The following ANK3 variants were observed in gnomAD, a reference collection of about 807,000 sequenced individuals.
The protein encoded by ANK3 is ankyrin 3.
Under a neutral mutation model 370.9 loss-of-function variants are expected in ANK3, and 57 were observed. The ratio of observed to expected loss-of-function variants is 0.15; its 90% confidence interval spans 0.12 to 0.19. The LOEUF is 0.19. Ranked by LOEUF, ANK3 falls within the 10% of genes least tolerant of loss-of-function variation. The pLI is 1.00. For synonymous variants in ANK3, 1,929 were observed against 1,946.3 expected (o/e 0.99, Z 0.23); for missense variants, 4,439 against 5,302.1 (o/e 0.84, Z 5.06).
At chr10:60,321,356 CA>C (rs200588753) in intron 1 of ANK3, among the ~76,000 whole-genome samples, 2 of 132,938 alleles carry the variant, frequency 1.5e-5, no homozygotes, top group South Asian at 2.5e-4. Flanking sequence ...GACCCTATCT[CA>C]AAAAAAACAA....
intron 42 of ANK3, among the ~76,000 whole-genome samples, chr10:60,055,248 CA>C (rs1381369827): frequency 3.0e-4 from 46 of 152,108 alleles, no homozygotes; most frequent in Admixed American, 1.9e-3. Flanking sequence ...CTGTTTATGC[CA>C]AGGAGCCAGA....
chr10:60,564,029 AT>A (rs2077401373), intron 2 of ANK3, among the ~76,000 whole-genome samples: 1 of 152,214 alleles, frequency 6.6e-6, no homozygotes, highest in South Asian at 2.1e-4. Flanking sequence ...TTGTACTAAA[AT>A]AAGCAAATTC....
At chr10:60,593,100 T>C (rs1354222019) in intron 2 of ANK3, among the ~76,000 whole-genome samples, 1 of 152,210 alleles carries the variant, frequency 6.6e-6, no homozygotes, top group Non-Finnish European at 1.5e-5. Context: ...CAATATCACA[T>C]AGAAGTTTTT....
Position 60,700,954 on chromosome 10 carries a change from G to A in ANK3, c.57+32309C>T, listed in dbSNP as rs758081039. On this transcript the variant is annotated intron_variant, in intron 1 of 43. Transcript: ENST00000373827. ...AAATTTTAATAGTAAAAATAAAAAT[G>A]TATATGGCAAGCAGAATAATAAGCA... Among the ~76,000 whole-genome samples the A allele has an allele frequency of 5.3e-5, 8 of 152,020 alleles. No individual in the cohort carries two copies. The East Asian group carries it at 1.5e-3, about 29-fold the overall frequency.
intron 1 of ANK3, among the ~76,000 whole-genome samples, chr10:60,634,488 C>A (rs1487423252): frequency 2.0e-5 from 3 of 151,988 alleles, no homozygotes; most frequent in African/African-American, 7.3e-5. Context: ...GTAAAACAGA[C>A]CAATCAGCAC....
At chr10:60,409,918 G>A (rs541646634) in intron 2 of ANK3, among the ~76,000 whole-genome samples, 2 of 152,068 alleles carry the variant, frequency 1.3e-5, no homozygotes, top group South Asian at 2.1e-4. Context: ...CACGGATCAC[G>A]TGCTCTGAGC....
At chr10:60,079,573 C>T (rs2084690285) in intron 36 of ANK3, among the ~76,000 whole-genome samples, 2 of 152,106 alleles carry the variant, frequency 1.3e-5, no homozygotes, top group Admixed American at 1.3e-4. Context: ...TTCCAGACCT[C>T]CTTGAACTTA....
intron 2 of ANK3, among the ~76,000 whole-genome samples, chr10:60,614,176 TAATA>T (rs1304329279): frequency 1.3e-5 from 2 of 152,250 alleles, no homozygotes; most frequent in East Asian, 3.9e-4. Context: ...ATAAGTTAAT[TAATA>T]GTTAGTTTAA....
intron 4 of ANK3, 88 bp downstream of exon 4, chr10:60,278,686 G>A: frequency 9.9e-7 from 1 of 1,011,660 alleles, no homozygotes; most frequent in Non-Finnish European, 1.6e-6. Flanking sequence ...TGTTCTTAGA[G>A]GATATGTGAA....
intron 9 of ANK3, among the ~76,000 whole-genome samples, chr10:60,208,947 A>G (rs989119076): frequency 2.0e-5 from 3 of 152,224 alleles, no homozygotes; most frequent in African/African-American, 4.8e-5. Flanking sequence ...GTTTAAATCA[A>G]CTGGGTTCAA....
At chr10:60,502,072 T>C (rs1437500272) in intron 2 of ANK3, among the ~76,000 whole-genome samples, 1 of 151,700 alleles carries the variant, frequency 6.6e-6, no homozygotes, top group African/African-American at 2.4e-5. Context: ...TACCCCAAAT[T>C]TAAGCAAAAT....
At chr10:60,176,192 A>C (rs112551376) in intron 18 of ANK3, among the ~76,000 whole-genome samples, 96,203 of 143,768 alleles carry the variant, frequency 0.67, 32,244 homozygotes, top group East Asian at 0.77. Flanking sequence ...AAAAAAAAAA[A>C]AAACAAAAAA....
chr10:60,463,626 CTGATA>C (rs2133062391), intron 2 of ANK3, among the ~76,000 whole-genome samples: 1 of 151,642 alleles, frequency 6.6e-6, no homozygotes, highest in African/African-American at 2.4e-5. Flanking sequence ...AAAGGACAGT[CTGATA>C]TAACTGTTCC....
intron 2 of ANK3, among the ~76,000 whole-genome samples, chr10:60,455,808 TAAG>T (rs2064733129): frequency 6.6e-6 from 1 of 152,208 alleles, no homozygotes; most frequent in Non-Finnish European, 1.5e-5. Flanking sequence ...GCTATTCGTC[TAAG>T]AATAAATCCT....
At chr10:60,319,086 ATTG>A (rs1177302931) in intron 1 of ANK3, among the ~76,000 whole-genome samples, 1 of 152,178 alleles carries the variant, frequency 6.6e-6, no homozygotes, top group Non-Finnish European at 1.5e-5. Flanking sequence ...ATGAGCTGGC[ATTG>A]TTGTTGCAAA....
intron 8 of ANK3, among the ~76,000 whole-genome samples, chr10:60,229,677 C>T (rs1003442516): frequency 2.0e-5 from 3 of 152,068 alleles, no homozygotes; most frequent in Non-Finnish European, 4.4e-5. Flanking sequence ...GTACATAAAC[C>T]GGATGCCATT....
In ANK3 at chr10:60,271,260, C is replaced by T. The variant is rs777975311; in HGVS notation, c.415-1031G>A. On this transcript the variant is annotated intron_variant, in intron 4 of 43. Transcript: ENST00000280772. ...TAATAATAATAAACAAATGGAGTGC[C>T]GGGGTATCGTCACAGCTCACTGCAG... Among the ~76,000 whole-genome samples, 56 of 151,996 alleles carry T rather than the reference C, an allele frequency of 3.7e-4. 1 individual carries two copies. Among genetic ancestry groups the T allele is most frequent in the Non-Finnish European group, 5.6e-4 (38 of 67,966 alleles).
intron 2 of ANK3, among the ~76,000 whole-genome samples, chr10:60,409,500 T>C (rs759466208): frequency 1.3e-5 from 2 of 152,208 alleles, no homozygotes; most frequent in Non-Finnish European, 2.9e-5. Flanking sequence ...CACTTTCCAC[T>C]GGTTAGTTTT....
At chr10:60,711,084 T>C (rs2079698042) in intron 1 of ANK3, among the ~76,000 whole-genome samples, 1 of 152,224 alleles carries the variant, frequency 6.6e-6, no homozygotes, top group South Asian at 2.1e-4. Flanking sequence ...GAGCATCTTT[T>C]GGCCCAGTCA....
Sources: allele counts gnomAD v4.1 joint callset (sites outside exome capture counted in the v4.1 genomes callset), GRCh38; gene constraint gnomAD v4.1.1; transcripts MANE v1.5; gene names NCBI Gene and HGNC (gene_info 2026-07-23, HGNC 2026-07-21).